Variants in TNFRSF8 observed in about 807,000 individuals in gnomAD.
The protein encoded by TNFRSF8 is tumor necrosis factor receptor superfamily member 8.
TNFRSF8 carries 26 observed loss-of-function variants against 70.8 expected under a neutral mutation model. The ratio of observed to expected loss-of-function variants is 0.37; its 90% CI spans 0.27 to 0.51. The LOEUF (loss-of-function observed/expected upper bound fraction) is 0.51. Ranked by LOEUF, TNFRSF8 falls within the 20% of genes least tolerant of loss-of-function variation. The pLI, the probability that TNFRSF8 is intolerant of heterozygous loss-of-function variation, is 0.94. For synonymous variants in TNFRSF8, 356 were observed against 339.2 expected (o/e 1.05, Z -0.54); for missense variants, 720 against 807.9 (o/e 0.89, Z 1.32).
intron 3 of TNFRSF8, among the ~76,000 whole-genome samples, chr1:12,097,891 ATTAAG>A (rs1397048823): frequency 6.6e-6 from 1 of 152,170 alleles, no homozygotes; most frequent in Non-Finnish European, 1.5e-5. Context: ...CTACATATCT[ATTAAG>A]TTAAGCTTGT....
At position 12,088,391 on chromosome 1, in the gene TNFRSF8, A is replaced by G. The variant is rs575406017; in HGVS notation, c.151+3840A>G. Among the ~76,000 whole-genome samples, 5 of 152,224 alleles carry G rather than the reference A, an allele frequency of 3.3e-5. No homozygotes were observed. The highest frequency in any genetic ancestry group is 5.9e-5 in the Non-Finnish European group (4 of 68,002). On this transcript the variant is annotated intron_variant, in intron 2 of 14. Transcript: ENST00000263932. The surrounding 1 kb of genome is among the most constrained non-coding windows in gnomAD (Gnocchi z 4.0). ...AACTTGGACACCGAGGGGTTCAGGAATTTGCACAAGGCCACATGCGTATCA... is the reference window on the plus strand; with the variant it reads ...AACTTGGACACCGAGGGGTTCAGGAGTTTGCACAAGGCCACATGCGTATCA...
At chr1:12,125,929 G>T (rs375095454) in intron 10 of TNFRSF8, 22 bp from the exon 11 acceptor site, 2 of 1,603,758 alleles carry the variant, frequency 1.2e-6, no homozygotes, top group Non-Finnish European at 1.7e-6. Context: ...GGCAAAGAGT[G>T]TGGGGCGTCT....
chr1:12,076,822 G>A (rs994017603), intron 1 of TNFRSF8, among the ~76,000 whole-genome samples: 3 of 152,162 alleles, frequency 2.0e-5, no homozygotes, highest in African/African-American at 4.8e-5. Flanking sequence ...GTGGAGAGAG[G>A]GGTTCAGAGT....
At chr1:12,118,065 A>G (rs1355194348) in intron 8 of TNFRSF8, among the ~76,000 whole-genome samples, 3 of 152,156 alleles carry the variant, frequency 2.0e-5, no homozygotes, top group East Asian at 1.9e-4. Context: ...TCCATTGTGT[A>G]TAGATGCCAC....
chr1:12,111,250 C>T (rs1423293471), intron 6 of TNFRSF8, among the ~76,000 whole-genome samples: 3 of 152,106 alleles, frequency 2.0e-5, no homozygotes, highest in South Asian at 2.1e-4. Context: ...GGCGTGATCT[C>T]GGCTCACTGC....
intron 1 of TNFRSF8, among the ~76,000 whole-genome samples, chr1:12,075,167 C>T (rs1640916332): frequency 6.6e-6 from 1 of 151,888 alleles, no homozygotes; most frequent in South Asian, 2.1e-4. Context: ...TCGCTTGAAC[C>T]TGGGAGGCAG....
Position 12,110,331 on chromosome 1 carries a change from G to A in TNFRSF8, c.676+127G>A, listed in dbSNP as rs1344968933. On this transcript the variant is annotated intron_variant, in intron 6 of 14. Transcript: ENST00000263932. The surrounding 1 kb of genome is among the most constrained non-coding windows in gnomAD (Gnocchi z 4.0). ...CTTTTCCTGGTGGGGAGAGAAGACG[G>A]TGGTAAGGTATGATCTAGGGCTGAA... is the stretch of plus-strand genomic sequence containing the variant. 24 of 1,007,682 alleles carry A rather than the reference G, an allele frequency of 2.4e-5. No homozygotes were observed. The East Asian group carries it at 6.3e-4, about 26-fold the overall frequency. The allele number at this position is 1,007,682 out of a possible 1,614,324, so 62.4% of individuals were successfully genotyped here. A position where few individuals can be genotyped will look rare whatever the true frequency, so the allele number is the denominator to read the frequency against.
rs1642281836 is a variant in TNFRSF8 at position 12,142,832 on chromosome 1, G to A, written c.*301G>A. ...GCAAACAGATGGCAGGATGGGCACT[G>A]CCGAGAACAGCATTGGTCCCAGAGC... On this transcript the variant is annotated 3_prime_UTR_variant, in exon 15 of 15. Coordinates refer to ENST00000263932, the MANE Select transcript of TNFRSF8 (RefSeq NM_001243.5). This position sits in a 1 kb window ranked among gnomAD's most constrained non-coding sequence, Gnocchi z 5.0. The A allele has an allele frequency of 1.6e-5, 6 of 365,870 alleles. No homozygotes were observed. The highest frequency in any genetic ancestry group is 2.5e-5 in the Non-Finnish European group (5 of 198,530). 22.7% of individuals were successfully genotyped at this position (365,870 alleles called of 1,614,324 possible). A position where few individuals can be genotyped will look rare whatever the true frequency, so the allele number is the denominator to read the frequency against.
In TNFRSF8 at chr1:12,142,018, C is replaced by T. The variant is rs573147061; in HGVS notation, c.1544-269C>T. ...AGTTTGCTTTCTGTCCCACCCTGTCCTCTTCTTCCCTACCCATCCGCAGAG... is the reference window on the plus strand; with the variant it reads ...AGTTTGCTTTCTGTCCCACCCTGTCTTCTTCTTCCCTACCCATCCGCAGAG... On this transcript the variant is annotated intron_variant, in intron 14 of 14. Transcript: ENST00000263932. This position sits in a 1 kb window ranked among gnomAD's most constrained non-coding sequence, Gnocchi z 5.0. 6.6e-6 allele frequency among the ~76,000 whole-genome samples: 1 copy of T among 152,206 alleles called. No individual in the cohort carries two copies. Among genetic ancestry groups the T allele is most frequent in the African/African-American group, 2.4e-5 (1 of 41,446 alleles).
rs1642285247 is a variant in TNFRSF8, at chr1:12,142,976, C to T, written c.*445C>T. 6.3e-6 allele frequency: 1 copy of T among 158,612 alleles called. No individual in the cohort carries two copies. The highest frequency in any genetic ancestry group is 1.9e-4 in the South Asian group (1 of 5,366). The allele number at this position is 158,612 out of a possible 1,614,324, so 9.8% of individuals were successfully genotyped here. On this transcript the variant is annotated 3_prime_UTR_variant, in exon 15 of 15. Transcript: ENST00000263932. This position sits in a 1 kb window ranked among gnomAD's most constrained non-coding sequence, Gnocchi z 5.0. The stretch of plus-strand genomic sequence containing the variant: ...TCTCCCTGGACCTCAGAGGTGACAC[C>T]CATTGGGCCCTTCCGGCATGCCCCC...
At chr1:12,089,036 G>A (rs1641201784) in intron 2 of TNFRSF8, among the ~76,000 whole-genome samples, 1 of 152,134 alleles carries the variant, frequency 6.6e-6, no homozygotes, top group Admixed American at 6.5e-5. Context: ...ATTCCTCAGG[G>A]TCCACTTAAG....
intron 8 of TNFRSF8, among the ~76,000 whole-genome samples, chr1:12,121,013 A>G (rs1641818301): frequency 6.6e-6 from 1 of 152,148 alleles, no homozygotes; most frequent in South Asian, 2.1e-4. Flanking sequence ...TGCCTTGGAG[A>G]GCAGGCAGGG....
At chr1:12,086,272 T>A (rs1641151603) in intron 2 of TNFRSF8, among the ~76,000 whole-genome samples, 1 of 152,246 alleles carries the variant, frequency 6.6e-6, no homozygotes, top group South Asian at 2.1e-4. Context: ...TTGATGTTTT[T>A]GTATTTGATT....
chr1:12,115,758 C>T, intron 8 of TNFRSF8, 29 bp downstream of exon 8: 1 of 1,609,538 alleles, frequency 6.2e-7, no homozygotes. Context: ...AGGCCTCGAC[C>T]ACAGGGTGGA....
intron 3 of TNFRSF8, among the ~76,000 whole-genome samples, chr1:12,099,087 C>T (rs1456041133): frequency 1.3e-5 from 2 of 152,058 alleles, no homozygotes. Flanking sequence ...AAGAAGGGCT[C>T]GTCTTTGCAA....
At chr1:12,118,944 A>C (rs1367572123) in intron 8 of TNFRSF8, among the ~76,000 whole-genome samples, 3 of 151,898 alleles carry the variant, frequency 2.0e-5, no homozygotes, top group African/African-American at 7.3e-5. Flanking sequence ...GGCCCACCAC[A>C]ACCTCCACCT....
chr1:12,125,296 G>T (rs1443334399), intron 10 of TNFRSF8, among the ~76,000 whole-genome samples: 1 of 152,224 alleles, frequency 6.6e-6, no homozygotes, highest in South Asian at 2.1e-4. Flanking sequence ...GGTTAAGAGC[G>T]TGGCCCTGCA....
Position 12,143,968 on chromosome 1 carries a change from T to G in TNFRSF8, c.*1437T>G, listed in dbSNP as rs908642802. 7.2e-5 allele frequency: 11 copies of G among 152,172 alleles called. No individual in the cohort carries two copies. Among genetic ancestry groups the G allele is most frequent in the African/African-American group, 2.4e-4 (10 of 41,422 alleles). The allele number at this position is 152,172 out of a possible 1,614,324, so 9.4% of individuals were successfully genotyped here. A position where few individuals can be genotyped will look rare whatever the true frequency, so the allele number is the denominator to read the frequency against. On this transcript the variant is annotated 3_prime_UTR_variant, in exon 15 of 15. Coordinates refer to ENST00000263932, the MANE Select transcript of TNFRSF8 (RefSeq NM_001243.5). This position sits in a 1 kb window ranked among gnomAD's most constrained non-coding sequence, Gnocchi z 4.1. ...AACCTGGACATTGGCCAGAAGAAGCTTAAGTGGGCAGACACTGTTTGCCCA... is the reference window on the plus strand; with the variant it reads ...AACCTGGACATTGGCCAGAAGAAGCGTAAGTGGGCAGACACTGTTTGCCCA...
chr1:12,123,777 C>T lies in TNFRSF8; in HGVS notation c.1103C>T (p.Thr368Ile). Residue 368 changes from threonine to isoleucine, a missense_variant, in exon 10 of 15, where the codon ACC becomes ATC. Physicochemically the swap from Thr to Ile is moderately conservative, Grantham distance 89 (BLOSUM62 -1). Transcript: ENST00000263932. ...SQASKTLPIP[T>I]SAPVALSSTG... is the part of the protein sequence containing the mutation. ...GCCAGTAAGACGCTGCCCATCCCAA[C>T]CAGCGCTCCCGTCGCTCTCTCCTCC... The T allele has an allele frequency of 6.3e-7, 1 of 1,579,138 alleles. No homozygotes were observed. Among genetic ancestry groups the T allele is most frequent in the Non-Finnish European group, 8.6e-7 (1 of 1,161,974 alleles).
Sources: gnomAD v4.1 joint callset for allele counts (sites outside exome capture counted in the v4.1 genomes callset) on GRCh38, gnomAD v4.1.1 for gene constraint, Gnocchi (gnomAD v3.1) non-coding constraint, MANE v1.5 for transcripts, NCBI Gene and HGNC (gene_info 2026-07-23, HGNC 2026-07-21) for gene names.